Variants in NOX3 observed in about 807,000 individuals in gnomAD.
The protein encoded by NOX3 is NADPH oxidase 3.
In NOX3, 74 loss-of-function variants were observed where a neutral mutation model predicts 76.7. That is an observed-to-expected ratio of 0.96 (90% CI 0.80 to 1.17). The LOEUF is 1.17. NOX3 is among the 50% of genes most tolerant of loss of function. The pLI, the probability that NOX3 is intolerant of heterozygous loss-of-function variation, is 0.00. For missense variants in NOX3, 695 were observed against 703.3 expected (o/e 0.99, Z 0.13); for synonymous variants, 263 against 261.1 (o/e 1.01, Z -0.07).
chr6:155,443,166 T>TTC, intron 5 of NOX3, 107 bp downstream of exon 5: 1 of 1,174,206 alleles, frequency 8.5e-7, no homozygotes, highest in Non-Finnish European at 1.2e-6. Context: ...TATAAATTCA[T>TTC]TCTCCAGCTC....
chr6:155,428,911 G>T lies in NOX3; in HGVS notation c.1028C>A (p.Ala343Asp), dbSNP rs764157666. The change falls in exon 9 of 14, where the codon GCC (alanine) becomes GAC (aspartate). Residue 343 changes from alanine (A) to aspartate (D), a missense_variant. Transcript: ENST00000159060. ...LEWHPFTLTS[A>D]PQEDFFSVHI... ...CACGCTGAAAAAGTCCTCCTGGGGG[G>T]CAGAGGTAAGGGTGAAGGGGTGCCA... 1 of 1,613,876 alleles carries T rather than the reference G, an allele frequency of 6.2e-7. No individual in the cohort carries two copies. Among genetic ancestry groups the T allele is most frequent in the South Asian group, 1.1e-5 (1 of 91,026 alleles).
chr6:155,450,399 T>G (rs1045866822), intron 4 of NOX3, among the ~76,000 whole-genome samples: 2 of 152,210 alleles, frequency 1.3e-5, no homozygotes, highest in Non-Finnish European at 2.9e-5. Flanking sequence ...GAACAACTCA[T>G]GCATATGTGT....
At chr6:155,404,225 C>A (rs1412984927) in intron 12 of NOX3, among the ~76,000 whole-genome samples, 16 of 151,774 alleles carry the variant, frequency 1.1e-4, no homozygotes. Context: ...ACAATCTTTT[C>A]AAGGAAATGG....
chr6:155,415,370 G>A (rs922258709), intron 10 of NOX3, among the ~76,000 whole-genome samples: 2 of 152,214 alleles, frequency 1.3e-5, no homozygotes, highest in Non-Finnish European at 2.9e-5. Flanking sequence ...TCCAAAACTT[G>A]TGCCGTATCT....
At chr6:155,420,599 A>T (rs1203211679) in intron 10 of NOX3, among the ~76,000 whole-genome samples, 1 of 152,180 alleles carries the variant, frequency 6.6e-6, no homozygotes, top group East Asian at 1.9e-4. Context: ...CAGGGTCCTC[A>T]TCAGTATTGA....
intron 10 of NOX3, among the ~76,000 whole-genome samples, chr6:155,421,083 G>C (rs1165090001): frequency 6.6e-6 from 1 of 152,158 alleles, no homozygotes; most frequent in Non-Finnish European, 1.5e-5. Context: ...TTCAGGTGCC[G>C]ATTCTATGAG....
chr6:155,440,157 CA>C lies in NOX3; in HGVS notation c.487-21del. On this transcript the variant is annotated intron_variant, in intron 5 of 13. Transcript: ENST00000159060. ...TGTGTTCTAAAAAAAACAACAACAA[CA>C]AAAAAAGAAACAAACAAAAAAAAAC... 10 of 1,482,388 alleles carry C rather than the reference CA, an allele frequency of 6.7e-6. No individual in the cohort carries two copies. The highest frequency in any genetic ancestry group is 2.4e-5 in the Admixed American group (1 of 41,708). The allele number at this position is 1,482,388 out of a possible 1,614,324, so 91.8% of individuals were successfully genotyped here.
intron 7 of NOX3, among the ~76,000 whole-genome samples, chr6:155,432,178 C>T (rs927175328): frequency 6.6e-6 from 1 of 152,050 alleles, no homozygotes; most frequent in African/African-American, 2.4e-5. Flanking sequence ...CTCTATCCAT[C>T]ATCTCAAACA....
Position 155,439,990 on chromosome 6 carries a change from C to T in NOX3, c.634G>A (p.Val212Ile), listed in dbSNP as rs143056669. The change falls in exon 6 of 14, where the codon GTC becomes ATC. Residue 212 changes from valine to isoleucine, a missense_variant. Val to Ile is a conservative substitution (Grantham distance 29). Coordinates refer to ENST00000159060, the MANE Select transcript of NOX3 (RefSeq NM_015718.3). ...LFWYTHHVFIVFFLSLAIHGT... is the reference protein window; with the variant it reads ...LFWYTHHVFIIFFLSLAIHGT... ...TGGATGGCCAGGCTGAGAAAGAAGACGATGAAAACATGGTGTGTGTACCAG... is the reference window on the plus strand; with the variant it reads ...TGGATGGCCAGGCTGAGAAAGAAGATGATGAAAACATGGTGTGTGTACCAG... The T allele has an allele frequency of 4.0e-5, 65 of 1,613,736 alleles. No homozygotes were observed. The highest frequency in any genetic ancestry group is 1.6e-4 in the Middle Eastern group (1 of 6,084).
chr6:155,447,838 G>C (rs908907548), intron 4 of NOX3, among the ~76,000 whole-genome samples: 1 of 152,202 alleles, frequency 6.6e-6, no homozygotes, highest in Non-Finnish European at 1.5e-5. Context: ...TATACCAACC[G>C]CTAAATTCAG....
At chr6:155,421,141 G>A (rs1297256325) in intron 10 of NOX3, among the ~76,000 whole-genome samples, 2 of 152,190 alleles carry the variant, frequency 1.3e-5, no homozygotes, top group East Asian at 1.9e-4. Flanking sequence ...GTTGCAGGAG[G>A]AGCTGGGGGT....
intron 4 of NOX3, among the ~76,000 whole-genome samples, chr6:155,451,245 C>T (rs1441761804): frequency 6.6e-6 from 1 of 152,130 alleles, no homozygotes; most frequent in African/African-American, 2.4e-5. Context: ...TCCCAAAGTG[C>T]TGGGATTACA....
chr6:155,419,228 C>G (rs1776658538), intron 10 of NOX3, among the ~76,000 whole-genome samples: 1 of 152,222 alleles, frequency 6.6e-6, no homozygotes. Flanking sequence ...AAGAGAGAAA[C>G]TTCCTAAACC....
chr6:155,454,716 A>G, intron 3 of NOX3, 95 bp downstream of exon 3: 1 of 727,178 alleles, frequency 1.4e-6, no homozygotes, highest in Non-Finnish European at 2.2e-6. Context: ...AAACAGAATT[A>G]CTGAGAATTT....
At chr6:155,451,878 T>G (rs1777148932) in intron 4 of NOX3, among the ~76,000 whole-genome samples, 1 of 152,010 alleles carries the variant, frequency 6.6e-6, no homozygotes, top group Non-Finnish European at 1.5e-5. Flanking sequence ...TTCACCTGCC[T>G]CAGCCTCCCA....
chr6:155,396,415 C>T (rs1485041337), intron 13 of NOX3, among the ~76,000 whole-genome samples: 1 of 152,046 alleles, frequency 6.6e-6, no homozygotes, highest in Non-Finnish European at 1.5e-5. Context: ...CGTGAGTCTC[C>T]GTGTTGGATG....
At chr6:155,445,957 C>CTATATATA (rs200968638) in intron 4 of NOX3, among the ~76,000 whole-genome samples, 9 of 126,120 alleles carry the variant, frequency 7.1e-5, no homozygotes, top group Admixed American at 8.8e-5. Flanking sequence ...TATATATATG[C>CTATATATA]TATATATATA....
intron 5 of NOX3, among the ~76,000 whole-genome samples, chr6:155,441,285 G>A (rs58196857): frequency 0.15 from 19,312 of 133,076 alleles, 1,302 homozygotes; most frequent in South Asian, 0.18. Flanking sequence ...GAGGTAATTC[G>A]GACAGGGACT....
chr6:155,400,171 A>C (rs1582923788), intron 12 of NOX3, among the ~76,000 whole-genome samples: 1 of 152,222 alleles, frequency 6.6e-6, no homozygotes, highest in East Asian at 1.9e-4. Flanking sequence ...GCCATGCATG[A>C]AAGGCATCCA....
Sources: gnomAD v4.1 joint callset for allele counts (sites outside exome capture counted in the v4.1 genomes callset) on GRCh38, gnomAD v4.1.1 for gene constraint, MANE v1.5 for transcripts, NCBI Gene and HGNC (gene_info 2026-07-23, HGNC 2026-07-21) for gene names.